The following KRT80 variants were observed in gnomAD, a reference collection of about 807,000 sequenced individuals.
The protein encoded by KRT80 is keratin, type II cytoskeletal 80.
A neutral mutation model predicts 51.5 loss-of-function variants in KRT80; 36 were observed. That is an observed-to-expected ratio of 0.70 (90% CI 0.54 to 0.92). KRT80 has a LOEUF of 0.92. KRT80 is among the 40% of genes least tolerant of loss of function. The pLI is 0.00. For missense variants in KRT80, 566 were observed against 591.7 expected, an observed-to-expected ratio of 0.96 and a Z score of 0.45; for synonymous variants, 235 against 248.3, an observed-to-expected ratio of 0.95 and a Z score of 0.50.
Position 52,185,397 on chromosome 12 carries a change from A to C in KRT80, c.491T>G (p.Val164Gly). ...TACGTACCTGATTCGAAACTCCTCAACCTTCTCCAGCACCTGCAGCAGGTT... is the reference window on the plus strand; with the variant it reads ...TACGTACCTGATTCGAAACTCCTCACCCTTCTCCAGCACCTGCAGCAGGTT... ...EANLLQVLEK[V>G]EEFRIRYEDE... Residue 164 changes from valine to glycine, a missense_variant, in exon 2 of 9, where the codon GTT becomes GGT. Physicochemically the swap from Val to Gly is moderately radical, Grantham distance 109. Transcript: ENST00000394815. The C allele has an allele frequency of 6.2e-7, 1 of 1,613,340 alleles. No homozygotes were observed. Among genetic ancestry groups the C allele is most frequent in the Non-Finnish European group, 8.5e-7 (1 of 1,179,690 alleles).
intron 2 of KRT80, among the ~76,000 whole-genome samples, chr12:52,183,420 C>T (rs1312442817): frequency 6.6e-6 from 1 of 152,240 alleles, no homozygotes; most frequent in Non-Finnish European, 1.5e-5. Context: ...CACAGCCCTT[C>T]CCTACTGGGG....
intron 2 of KRT80, among the ~76,000 whole-genome samples, chr12:52,185,045 T>C (rs1377549979): frequency 1.3e-5 from 2 of 152,206 alleles, no homozygotes; most frequent in Non-Finnish European, 1.5e-5. Context: ...AGAGCAAGTG[T>C]GTCCATAGGT....
chr12:52,189,898 G>T (rs1941456207), intron 1 of KRT80, among the ~76,000 whole-genome samples: 1 of 152,378 alleles, frequency 6.6e-6, no homozygotes, highest in East Asian at 1.9e-4. Flanking sequence ...CATGGCAGGG[G>T]CACAGGGTGA....
Position 52,172,263 on chromosome 12 carries a change from G to T in KRT80, c.1113C>A (p.Asn371Lys). ...RQLRKYQELM[N>K]VKLALDIEIA... Reference sequence around the variant, plus strand: ...TCTCGATGTCCAGGGCCAGCTTGACGTTCATCAGCTCCTGGTACTTGCGCA... The same window carrying T: ...TCTCGATGTCCAGGGCCAGCTTGACTTTCATCAGCTCCTGGTACTTGCGCA... Residue 371 changes from asparagine to lysine, a missense_variant, in exon 7 of 9, where the codon AAC (asparagine) becomes AAA (lysine). Physicochemically the swap from Asn to Lys is moderately conservative, Grantham distance 94. Coordinates refer to ENST00000394815, the MANE Select transcript of KRT80 (RefSeq NM_182507.3). The T allele has an allele frequency of 5.0e-6, 8 of 1,613,882 alleles. No individual in the cohort carries two copies. The highest frequency in any genetic ancestry group is 5.9e-6 in the Non-Finnish European group (7 of 1,179,946).
At chr12:52,176,966 A>G (rs1941235613) in intron 4 of KRT80, among the ~76,000 whole-genome samples, 3 of 152,238 alleles carry the variant, frequency 2.0e-5, no homozygotes, top group African/African-American at 7.2e-5. Flanking sequence ...TCCTCACAAC[A>G]GCCCAGTGAG....
rs915608445 is a variant in KRT80 at position 52,169,597 on chromosome 12, A to G, written c.*1801T>C. 1 of 152,672 alleles carries G rather than the reference A, an allele frequency of 6.5e-6. No individual in the cohort carries two copies. Among genetic ancestry groups the G allele is most frequent in the Non-Finnish European group, 1.5e-5 (1 of 68,038 alleles). The allele number at this position is 152,672 out of a possible 1,614,324, so 9.5% of individuals were successfully genotyped here. ...AGGGGACATGGCCCCAAGATAGCCAATCAGGTGAGGTGGCTGGAGTATGTG... is the reference window on the plus strand; with the variant it reads ...AGGGGACATGGCCCCAAGATAGCCAGTCAGGTGAGGTGGCTGGAGTATGTG... On this transcript the variant is annotated 3_prime_UTR_variant, in exon 9 of 9. Coordinates refer to ENST00000394815, the MANE Select transcript of KRT80 (RefSeq NM_182507.3).
At position 52,191,937 on chromosome 12, in the gene KRT80, G is replaced by T. The variant is rs1941488891; in HGVS notation, c.-35C>A. The T allele has an allele frequency of 1.4e-6, 2 of 1,437,676 alleles. No individual in the cohort carries two copies. The highest frequency in any genetic ancestry group is 2.9e-5 in the African/African-American group (2 of 69,626). 89.1% of individuals were successfully genotyped at this position (1,437,676 alleles called of 1,614,324 possible). A position where few individuals can be genotyped will look rare whatever the true frequency, so the allele number is the denominator to read the frequency against. ...GGCCGGAAGCAGGAGGGCCCAGGGGGGTGAGCGAGTGAGCCTGGGGTTGCG... is the reference window on the plus strand; with the variant it reads ...GGCCGGAAGCAGGAGGGCCCAGGGGTGTGAGCGAGTGAGCCTGGGGTTGCG... On this transcript the variant is annotated 5_prime_UTR_variant, in exon 1 of 9. Coordinates refer to ENST00000394815, the MANE Select transcript of KRT80 (RefSeq NM_182507.3).
intron 1 of KRT80, among the ~76,000 whole-genome samples, chr12:52,190,327 T>C (rs746910895): frequency 2.0e-5 from 3 of 152,224 alleles, no homozygotes; most frequent in Non-Finnish European, 4.4e-5. Context: ...CACTTAGCCT[T>C]GCTGGTCCTC....
intron 4 of KRT80, among the ~76,000 whole-genome samples, chr12:52,177,433 G>A (rs926481159): frequency 6.6e-6 from 1 of 152,104 alleles, no homozygotes; most frequent in Admixed American, 6.5e-5. Context: ...TAGGGGTCAG[G>A]TAGGTGGCAT....
intron 2 of KRT80, among the ~76,000 whole-genome samples, chr12:52,182,281 C>T (rs899523689): frequency 3.3e-5 from 5 of 152,176 alleles, no homozygotes; most frequent in African/African-American, 1.2e-4. Flanking sequence ...CTGAGTGCTT[C>T]ACCTGCACTC....
chr12:52,173,211 C>T, intron 5 of KRT80, 48 bp from the exon 6 acceptor site: 1 of 1,526,030 alleles, frequency 6.6e-7, no homozygotes, highest in Non-Finnish European at 8.8e-7. Flanking sequence ...GTGCCGCTCC[C>T]AGCACTTGTT....
At chr12:52,179,425 C>T (rs1013079614) in intron 4 of KRT80, among the ~76,000 whole-genome samples, 6 of 152,282 alleles carry the variant, frequency 3.9e-5, no homozygotes, top group South Asian at 4.1e-4. Context: ...GTGGGGAGAG[C>T]GGACTGCCTA....
chr12:52,187,827 C>T (rs531416266), intron 1 of KRT80, among the ~76,000 whole-genome samples: 2 of 152,286 alleles, frequency 1.3e-5, no homozygotes, highest in South Asian at 2.1e-4. Context: ...GCAGGAGCCC[C>T]ATGTTTACAC....
At chr12:52,185,328 T>C in intron 2 of KRT80, 51 bp downstream of exon 2, 1 of 1,541,590 alleles carries the variant, frequency 6.5e-7, no homozygotes, top group Non-Finnish European at 8.8e-7. Context: ...TGAGCACAGC[T>C]TGGTCCCAGC....
Position 52,169,744 on chromosome 12 carries a change from A to G in KRT80, c.*1654T>C, listed in dbSNP as rs889830334. The G allele has an allele frequency of 2.6e-5, 4 of 152,246 alleles. No homozygotes were observed. The highest frequency in any genetic ancestry group is 6.5e-5 in the Admixed American group (1 of 15,286). The allele number at this position is 152,246 out of a possible 1,614,324, so 9.4% of individuals were successfully genotyped here. On this transcript the variant is annotated 3_prime_UTR_variant, in exon 9 of 9. Coordinates refer to ENST00000394815, the MANE Select transcript of KRT80 (RefSeq NM_182507.3). ...CTTTATATGTCTTGTATCCCCACTG[A>G]GGATTTGCTCCCTTGGAAACCAATG...
rs1283264882 is a variant in KRT80 at position 52,169,480 on chromosome 12, G to A, written c.*1918C>T. On this transcript the variant is annotated 3_prime_UTR_variant, in exon 9 of 9. Coordinates refer to ENST00000394815, the MANE Select transcript of KRT80 (RefSeq NM_182507.3). ...TCCATGATCAGCCTGATTGACCAGTGGCTGACTGGTCCTGAGAGGGGAGAT... is the reference window on the plus strand; with the variant it reads ...TCCATGATCAGCCTGATTGACCAGTAGCTGACTGGTCCTGAGAGGGGAGAT... 1 of 152,592 alleles carries A rather than the reference G, an allele frequency of 6.6e-6. No individual in the cohort carries two copies. The highest frequency in any genetic ancestry group is 1.9e-4 in the East Asian group (1 of 5,194). 9.5% of individuals were successfully genotyped at this position (152,592 alleles called of 1,614,324 possible).
chr12:52,179,867 T>C (rs574306497), intron 4 of KRT80, among the ~76,000 whole-genome samples: 1 of 152,046 alleles, frequency 6.6e-6, no homozygotes, highest in African/African-American at 2.4e-5. Context: ...AAACAAGTGG[T>C]GTGGAGAGGA....
intron 4 of KRT80, among the ~76,000 whole-genome samples, chr12:52,179,630 G>A (rs1941289154): frequency 6.6e-6 from 1 of 152,254 alleles, no homozygotes; most frequent in Non-Finnish European, 1.5e-5. Flanking sequence ...GCTGTGGTCA[G>A]CAGATCATAG....
chr12:52,189,136 G>A (rs982790222), intron 1 of KRT80, among the ~76,000 whole-genome samples: 8 of 152,096 alleles, frequency 5.3e-5, no homozygotes, highest in Non-Finnish European at 1.2e-4. Flanking sequence ...GTTCCTCAGA[G>A]GGCCCCCACC....
Sources: gnomAD v4.1 joint callset for allele counts (sites outside exome capture counted in the v4.1 genomes callset) on GRCh38, gnomAD v4.1.1 for gene constraint, MANE v1.5 for transcripts, NCBI Gene and HGNC (gene_info 2026-07-23, HGNC 2026-07-21) for gene names.